Variants in TRHDE observed in about 807,000 individuals in gnomAD.
TRHDE encodes the protein thyrotropin releasing hormone degrading enzyme, also known as thyrotropin-releasing hormone-degrading ectoenzyme.
Under a neutral mutation model 125.7 loss-of-function variants are expected in TRHDE, and 72 were observed. The observed-to-expected ratio is 0.57, with a 90% CI of 0.47 to 0.70. The LOEUF (loss-of-function observed/expected upper bound fraction) is 0.70. Ranked by LOEUF, TRHDE falls within the 30% of genes least tolerant of loss-of-function variation. The pLI is 0.00. For synonymous variants in TRHDE, 509 were observed against 509.1 expected (o/e 1.00, Z 0.00); for missense variants, 1,110 against 1,327.1 (o/e 0.84, Z 2.54).
chr12:72,184,287 GC>G (rs1420806291), intron 2 of TRHDE, among the ~76,000 whole-genome samples: 2 of 151,970 alleles, frequency 1.3e-5, no homozygotes, highest in African/African-American at 4.8e-5. Flanking sequence ...ACTTTTTCTT[GC>G]AATCCATTGG....
intron 2 of TRHDE, among the ~76,000 whole-genome samples, chr12:72,375,895 G>C (rs1307108943): frequency 2.0e-5 from 3 of 152,208 alleles, no homozygotes; most frequent in Admixed American, 6.5e-5. Flanking sequence ...AATGAAGACT[G>C]TCTCTTGTGG....
At chr12:72,596,102 T>C (rs1352272430) in intron 12 of TRHDE, among the ~76,000 whole-genome samples, 1 of 152,154 alleles carries the variant, frequency 6.6e-6, no homozygotes, top group Admixed American at 6.5e-5. Flanking sequence ...TTCATCTTTC[T>C]ACGTAATATA....
chr12:72,331,624 C>T (rs1208555589), intron 2 of TRHDE, among the ~76,000 whole-genome samples: 2 of 152,022 alleles, frequency 1.3e-5, no homozygotes, highest in Non-Finnish European at 2.9e-5. Flanking sequence ...AGAGGTAGGA[C>T]TTGAGCTGAA....
chr12:72,371,723 A>ATAGTAT (rs1871601126), intron 2 of TRHDE, among the ~76,000 whole-genome samples: 1 of 152,082 alleles, frequency 6.6e-6, no homozygotes, highest in Non-Finnish European at 1.5e-5. Flanking sequence ...ACATGAACTC[A>ATAGTAT]TCCTTTTTTA....
At chr12:72,380,738 C>CCTTG (rs1565720428) in intron 3 of TRHDE, among the ~76,000 whole-genome samples, 58 of 92,576 alleles carry the variant, frequency 6.3e-4, no homozygotes, top group African/African-American at 2.8e-3. Context: ...TTCCTTGCTT[C>CCTTG]CTTCCTTCCT....
At chr12:72,315,929 A>G (rs1195070520) in intron 2 of TRHDE, among the ~76,000 whole-genome samples, 1 of 152,102 alleles carries the variant, frequency 6.6e-6, no homozygotes. Flanking sequence ...CCCCCTTTTT[A>G]TGTAATTTAG....
At chr12:72,229,114 G>T (rs987546147) in intron 2 of TRHDE, among the ~76,000 whole-genome samples, 5 of 152,104 alleles carry the variant, frequency 3.3e-5, no homozygotes, top group Admixed American at 6.6e-5. Context: ...TATCTTTACA[G>T]CAGTACCCCA....
intron 6 of TRHDE, among the ~76,000 whole-genome samples, 166 bp downstream of exon 6, chr12:72,499,801 G>T (rs1878072723): frequency 6.6e-6 from 1 of 152,092 alleles, no homozygotes; most frequent in African/African-American, 2.4e-5. Flanking sequence ...CTACAGCTTT[G>T]CTTTAAAAGT....
At position 72,369,728 on chromosome 12, in the gene TRHDE, T is replaced by A. The variant is rs1201181826; in HGVS notation, c.1189-8267T>A. Reference sequence around the variant, plus strand: ...CCCTGCATACCATTTCCTAGTGTAATGTCCTTTCCACCGGACTAAATGTTT... The same window carrying A: ...CCCTGCATACCATTTCCTAGTGTAAAGTCCTTTCCACCGGACTAAATGTTT... On this transcript the variant is annotated intron_variant, in intron 2 of 18. Coordinates refer to ENST00000261180, the MANE Select transcript of TRHDE (RefSeq NM_013381.3). Among the ~76,000 whole-genome samples, 3 of 152,132 alleles carry A rather than the reference T, an allele frequency of 2.0e-5. No homozygotes were observed. In the East Asian group the frequency reaches 5.8e-4, roughly 29 times the overall value.
At chr12:72,149,181 A>G (rs182992057) in intron 2 of TRHDE, among the ~76,000 whole-genome samples, 2 of 152,260 alleles carry the variant, frequency 1.3e-5, no homozygotes, top group East Asian at 3.9e-4. Flanking sequence ...GAGGAGTCCA[A>G]TAACTATTAT....
intron 2 of TRHDE, among the ~76,000 whole-genome samples, chr12:72,193,244 A>G (rs979309531): frequency 6.6e-6 from 1 of 152,026 alleles, no homozygotes; most frequent in Admixed American, 6.6e-5. Flanking sequence ...TTAATATTTC[A>G]TATGTATTCA....
At chr12:72,659,790 TCATGGTATAGTTAGAAAA>T (rs1874845757) in intron 18 of TRHDE, among the ~76,000 whole-genome samples, 1 of 152,104 alleles carries the variant, frequency 6.6e-6, no homozygotes, top group Non-Finnish European at 1.5e-5. Flanking sequence ...TAAAATCATA[TCATGGTATAGTTAGAAAA>T]CACAATTTAA....
intron 2 of TRHDE, among the ~76,000 whole-genome samples, chr12:72,133,284 G>T (rs1875905364): frequency 6.6e-6 from 1 of 152,232 alleles, no homozygotes; most frequent in South Asian, 2.1e-4. Flanking sequence ...CAGTAACAGT[G>T]TAAGTAGAAT....
intron 9 of TRHDE, among the ~76,000 whole-genome samples, chr12:72,565,459 C>T (rs1316243494): frequency 6.6e-6 from 1 of 152,072 alleles, no homozygotes; most frequent in African/African-American, 2.4e-5. Context: ...TGATGTGTAA[C>T]GGAGTATAAA....
intron 12 of TRHDE, among the ~76,000 whole-genome samples, chr12:72,615,156 T>C (rs1036683412): frequency 2.0e-5 from 3 of 152,146 alleles, no homozygotes; most frequent in Non-Finnish European, 4.4e-5. Flanking sequence ...TCATCTCTTA[T>C]GCTCATCCTC....
chr12:72,140,690 G>A (rs1876091982), intron 2 of TRHDE, among the ~76,000 whole-genome samples: 1 of 152,150 alleles, frequency 6.6e-6, no homozygotes, highest in South Asian at 2.1e-4. Context: ...CATAATATGA[G>A]TGGCAGAGTA....
intron 2 of TRHDE, among the ~76,000 whole-genome samples, chr12:72,366,516 T>G (rs1194908855): frequency 6.6e-6 from 1 of 152,074 alleles, no homozygotes; most frequent in Non-Finnish European, 1.5e-5. Context: ...TGCCATTTTA[T>G]GGGAGTCAGA....
At chr12:72,153,819 T>C (rs1876431357) in intron 2 of TRHDE, among the ~76,000 whole-genome samples, 1 of 152,230 alleles carries the variant, frequency 6.6e-6, no homozygotes. Context: ...CTTCCAACTA[T>C]GTGGTCAATT....
At chr12:72,169,864 G>C (rs936906411) in intron 2 of TRHDE, among the ~76,000 whole-genome samples, 1 of 152,096 alleles carries the variant, frequency 6.6e-6, no homozygotes, top group Non-Finnish European at 1.5e-5. Flanking sequence ...AGGGGACACA[G>C]TTCAGTCCAT....
Sources: gnomAD v4.1 joint callset for allele counts (sites outside exome capture counted in the v4.1 genomes callset) on GRCh38, gnomAD v4.1.1 for gene constraint, MANE v1.5 for transcripts, NCBI Gene and HGNC (gene_info 2026-07-23, HGNC 2026-07-21) for gene names.